The following FAT3 variants were observed in gnomAD, a reference collection of about 807,000 sequenced individuals.
The protein encoded by FAT3 is protocadherin Fat 3.
In FAT3, 95 loss-of-function variants were observed where a neutral mutation model predicts 310.2. The observed-to-expected ratio is 0.31, with a 90% confidence interval of 0.26 to 0.36. The LOEUF (loss-of-function observed/expected upper bound fraction) is 0.36. FAT3 is among the 10% of genes least tolerant of loss of function. The pLI is 1.00. For synonymous variants in FAT3, 2,314 were observed against 2,192.9 expected, an observed-to-expected ratio of 1.06 and a Z score of -1.54; for missense variants, 5,408 against 5,715.6, an observed-to-expected ratio of 0.95 and a Z score of 1.74.
chr11:92,469,722 G>T (rs1279637782), intron 2 of FAT3, among the ~76,000 whole-genome samples: 1 of 151,664 alleles, frequency 6.6e-6, no homozygotes, highest in Non-Finnish European at 1.5e-5. Context: ...TCATCATGTT[G>T]GTCAGGCTGG....
chr11:92,702,819 A>C (rs1791556), intron 4 of FAT3, among the ~76,000 whole-genome samples: 1 of 152,164 alleles, frequency 6.6e-6, no homozygotes, highest in South Asian at 2.1e-4. Context: ...GTTCTGATAA[A>C]AGTCTCCCAA....
intron 3 of FAT3, among the ~76,000 whole-genome samples, chr11:92,592,765 G>T (rs1939504502): frequency 6.6e-6 from 1 of 151,878 alleles, no homozygotes; most frequent in Non-Finnish European, 1.5e-5. Flanking sequence ...ATTTCTTTAG[G>T]TATTTAAAGA....
intron 1 of FAT3, among the ~76,000 whole-genome samples, chr11:92,308,610 C>A (rs1947202425): frequency 6.6e-6 from 1 of 152,108 alleles, no homozygotes; most frequent in Non-Finnish European, 1.5e-5. Flanking sequence ...TTATGAAGAA[C>A]CTAGCAATCA....
chr11:92,733,020 A>T (rs1339643644), intron 4 of FAT3, among the ~76,000 whole-genome samples: 1 of 152,214 alleles, frequency 6.6e-6, no homozygotes, highest in African/African-American at 2.4e-5. Flanking sequence ...ATGTTCCAGA[A>T]GTAAGAACAG....
rs1952461415 is a variant in FAT3, at chr11:92,487,725, C to T, written c.3293-36909C>T. Among the ~76,000 whole-genome samples the T allele has an allele frequency of 1.3e-5, 2 of 152,294 alleles. 1 individual carries two copies. Among genetic ancestry groups the T allele is most frequent in the South Asian group, 4.1e-4 (2 of 4,822 alleles). On this transcript the variant is annotated intron_variant, in intron 2 of 27. Coordinates refer to ENST00000525166, the MANE Select transcript of FAT3 (RefSeq NM_001367949.2). ...ATGGCTCCAAAGCCCATGCTCTTAA[C>T]CTCAATGTTAAACTGTATAATCTAA...
At chr11:92,585,367 T>C (rs561188137) in intron 3 of FAT3, among the ~76,000 whole-genome samples, 3 of 152,138 alleles carry the variant, frequency 2.0e-5, no homozygotes, top group Non-Finnish European at 4.4e-5. Flanking sequence ...TTCCCACTAG[T>C]GTGTTGGCCT....
At chr11:92,283,723 C>A (rs757909810) in intron 1 of FAT3, among the ~76,000 whole-genome samples, 8 of 152,176 alleles carry the variant, frequency 5.3e-5, no homozygotes, top group South Asian at 2.1e-4. Context: ...TAAAGTGGCC[C>A]GTGCATAAAG....
At chr11:92,849,496 C>T (rs1293877062) in intron 19 of FAT3, among the ~76,000 whole-genome samples, 1 of 152,228 alleles carries the variant, frequency 6.6e-6, no homozygotes, top group Non-Finnish European at 1.5e-5. Context: ...CTTCTACAAG[C>T]TGCCCTCTGG....
chr11:92,836,589 C>A lies in FAT3; in HGVS notation c.10110C>A (p.Ser3370Arg), dbSNP rs376050116. The change falls in exon 16 of 28, where the codon AGC becomes AGA. Residue 3370 changes from serine (S) to arginine (R), a missense_variant. This residue lies in a region of FAT3 where 4,588 missense variants were observed against 4,809.8 expected (regional missense o/e 0.95). Coordinates refer to ENST00000525166, the MANE Select transcript of FAT3 (RefSeq NM_001367949.2). ...AGCTAATAGCAGAAGATGTAGACAG[C>A]CAGCCCAACGGACAGATTCATTTTT... ...VILLIAEDVD[S>R]QPNGQIHFSI... is the part of the protein sequence containing the mutation. 18 of 1,613,350 alleles carry A rather than the reference C, an allele frequency of 1.1e-5. No individual in the cohort carries two copies. The highest frequency in any genetic ancestry group is 1.4e-5 in the Non-Finnish European group (17 of 1,179,712).
Position 92,889,235 on chromosome 11 carries a change from T to C in FAT3, c.13098T>C (p.Thr4366=). The C allele has an allele frequency of 1.4e-6, 1 of 711,974 alleles. No individual in the cohort carries two copies. Among genetic ancestry groups the C allele is most frequent in the Non-Finnish European group, 2.6e-6 (1 of 382,656 alleles). 44.1% of individuals were successfully genotyped at this position (711,974 alleles called of 1,614,324 possible). ...VIQLVNNVVD[T]IENEVSVMDQ... ...AGCTTGTCAACAATGTAGTTGACAC[T>C]ATAGAGAATGAAGGTATTTACTTTT... is the stretch of plus-strand genomic sequence containing the variant. Residue 4366 remains threonine, a synonymous_variant, in exon 26 of 28, where the codon ACT becomes ACC. Coordinates refer to ENST00000525166, the MANE Select transcript of FAT3 (RefSeq NM_001367949.2).
At chr11:92,533,975 C>A (rs1046778471) in intron 3 of FAT3, among the ~76,000 whole-genome samples, 2 of 152,256 alleles carry the variant, frequency 1.3e-5, no homozygotes, top group Admixed American at 6.5e-5. Context: ...TCATAAATTT[C>A]TCTTTTATTT....
chr11:92,612,054 G>C (rs762655689), intron 3 of FAT3, among the ~76,000 whole-genome samples: 4 of 152,172 alleles, frequency 2.6e-5, no homozygotes, highest in Non-Finnish European at 5.9e-5. Flanking sequence ...AATTAATGTA[G>C]TACTAGGCAC....
intron 11 of FAT3, 96 bp from the exon 12 acceptor site, chr11:92,806,266 T>C: frequency 8.9e-7 from 1 of 1,123,056 alleles, no homozygotes; most frequent in Non-Finnish European, 1.3e-6. Context: ...CTAAATTATA[T>C]AAATGAATTT....
intron 1 of FAT3, among the ~76,000 whole-genome samples, chr11:92,309,813 C>T (rs565750005): frequency 1.3e-5 from 2 of 152,246 alleles, no homozygotes; most frequent in African/African-American, 4.8e-5. Flanking sequence ...CTGTCACTTA[C>T]TCTGACTAAA....
intron 2 of FAT3, among the ~76,000 whole-genome samples, chr11:92,506,352 A>G (rs1348126951): frequency 6.6e-6 from 1 of 151,928 alleles, no homozygotes; most frequent in Non-Finnish European, 1.5e-5. Context: ...GCTTTTCCTT[A>G]TTGTCTGACC....
chr11:92,718,687 A>G (rs964792693), intron 4 of FAT3, among the ~76,000 whole-genome samples: 1 of 152,178 alleles, frequency 6.6e-6, no homozygotes, highest in African/African-American at 2.4e-5. Flanking sequence ...GAAACCAAGC[A>G]TACATTGTTC....
At chr11:92,554,357 G>A (rs2135449305) in intron 3 of FAT3, among the ~76,000 whole-genome samples, 1 of 150,554 alleles carries the variant, frequency 6.6e-6, no homozygotes, top group South Asian at 2.1e-4. Flanking sequence ...AGCTACTTGG[G>A]AGGCTAAGGC....
chr11:92,883,243 A>T lies in FAT3; in HGVS notation c.12787A>T (p.Met4263Leu), dbSNP rs1949717145. The stretch of plus-strand genomic sequence containing the variant: ...CGGGCTGGGAGGCGAGCACCAGGAA[A>T]TGACCACGTTTCACCCTGAGTCGCC... ...VDGLGGEHQE[M>L]TTFHPESPRI... Residue 4263 changes from methionine (M) to leucine (L), a missense_variant, in exon 24 of 28, where the codon ATG (methionine) becomes TTG (leucine). Met to Leu is a conservative substitution (Grantham distance 15, BLOSUM62 2). Transcript: ENST00000525166. This position sits in a 1 kb window ranked among gnomAD's most constrained non-coding sequence, Gnocchi z 4.2. The T allele has an allele frequency of 6.2e-7, 1 of 1,612,960 alleles. No homozygotes were observed. Among genetic ancestry groups the T allele is most frequent in the Non-Finnish European group, 8.5e-7 (1 of 1,179,834 alleles).
At position 92,353,197 on chromosome 11, in the gene FAT3, T is replaced by C. The variant is rs1230025826; in HGVS notation, c.1085T>C (p.Val362Ala). ...CAAAAATGTTCAGCATTAAAGGCAG[T>C]CTACATTGGCAACCCCACAAGAGAC... ...SPQKCSALKA[V>A]YIGNPTRDTV... The change falls in exon 2 of 28, where the codon GTC becomes GCC. Residue 362 changes from valine (V) to alanine (A), a missense_variant. By Grantham distance (64) the Val-to-Ala change is moderately conservative. Around this residue, in one of 5 missense-constraint regions of FAT3, gnomAD observed 4,588 missense variants for 4,809.8 expected, o/e 0.95. Coordinates refer to ENST00000525166, the MANE Select transcript of FAT3 (RefSeq NM_001367949.2). 1 of 1,613,796 alleles carries C rather than the reference T, an allele frequency of 6.2e-7. No individual in the cohort carries two copies. Among genetic ancestry groups the C allele is most frequent in the Non-Finnish European group, 8.5e-7 (1 of 1,179,868 alleles).
Sources: gnomAD v4.1 joint callset for allele counts (sites outside exome capture counted in the v4.1 genomes callset) on GRCh38, gnomAD v4.1.1 for gene constraint, gnomAD v4.1.1 regional missense constraint, Gnocchi (gnomAD v3.1) non-coding constraint, MANE v1.5 for transcripts, NCBI Gene and HGNC (gene_info 2026-07-23, HGNC 2026-07-21) for gene names.